The following RYR2 variants were observed in gnomAD, a reference collection of about 807,000 sequenced individuals.
RYR2 encodes ryanodine receptor 2.
RYR2 carries 227 observed loss-of-function variants against 601.1 expected under a neutral mutation model. That is an observed-to-expected ratio of 0.38 (90% CI 0.34 to 0.42). The LOEUF is 0.42. Among genes scored for constraint, RYR2 ranks in the 10% least tolerant of loss-of-function variants. The probability of loss-of-function intolerance (pLI) is 1.00; values close to 1 mark genes in which losing one functional copy is unlikely to be tolerated. For synonymous variants in RYR2, 2,223 were observed against 2,175.1 expected (o/e 1.02, Z -0.61); for missense variants, 4,646 against 6,156.5 (o/e 0.75, Z 8.21).
chr1:237,115,789 A>C (rs931999624), intron 1 of RYR2, among the ~76,000 whole-genome samples: 3 of 152,064 alleles, frequency 2.0e-5, no homozygotes, highest in Non-Finnish European at 4.4e-5. Flanking sequence ...CACTTAATGA[A>C]GTTTGAAACT....
At chr1:237,072,638 T>G (rs1664506115) in intron 1 of RYR2, among the ~76,000 whole-genome samples, 1 of 152,096 alleles carries the variant, frequency 6.6e-6, no homozygotes, top group African/African-American at 2.4e-5. Flanking sequence ...AAAAAATCTT[T>G]TAGTGTTTGC....
At chr1:237,577,254 C>T (rs1331670605) in intron 29 of RYR2, among the ~76,000 whole-genome samples, 1 of 152,156 alleles carries the variant, frequency 6.6e-6, no homozygotes, top group African/African-American at 2.4e-5. Flanking sequence ...TAAATGACAA[C>T]ATGGATATTT....
At chr1:237,812,064 A>G (rs1661313053) in intron 100 of RYR2, among the ~76,000 whole-genome samples, 1 of 152,116 alleles carries the variant, frequency 6.6e-6, no homozygotes, top group Non-Finnish European at 1.5e-5. Context: ...GAGCTTTACA[A>G]ATATTAACTC....
intron 61 of RYR2, 124 bp downstream of exon 61, chr1:237,678,236 T>C: frequency 1.6e-6 from 1 of 606,260 alleles, no homozygotes; most frequent in Non-Finnish European, 3.0e-6. Flanking sequence ...ACGTAAATAT[T>C]CTGTGGCATG....
chr1:237,808,851 T>C (rs1660949294), intron 99 of RYR2, 50 bp from the exon 100 acceptor site: 1 of 1,598,762 alleles, frequency 6.3e-7, no homozygotes, highest in Non-Finnish European at 8.6e-7. Flanking sequence ...CACGTGTCAA[T>C]TGTATGTCCT....
intron 2 of RYR2, among the ~76,000 whole-genome samples, chr1:237,311,872 G>C (rs531128188): frequency 1.6e-4 from 25 of 152,318 alleles, no homozygotes; most frequent in Admixed American, 7.2e-4. Context: ...TCTTATCATA[G>C]AAGTGGCTGA....
intron 4 of RYR2, 142 bp downstream of exon 4, chr1:237,356,127 T>A: frequency 1.4e-6 from 1 of 717,620 alleles, no homozygotes; most frequent in Non-Finnish European, 2.4e-6. Flanking sequence ...GAACACATGT[T>A]TTACAGGTCT....
At chr1:237,098,970 G>A (rs1184389029) in intron 1 of RYR2, among the ~76,000 whole-genome samples, 6 of 152,236 alleles carry the variant, frequency 3.9e-5, no homozygotes, top group Non-Finnish European at 8.8e-5. Context: ...AATCGCATAT[G>A]ATGTGCACAA....
intron 1 of RYR2, among the ~76,000 whole-genome samples, chr1:237,145,221 A>AC (rs1444674134): frequency 6.1e-4 from 92 of 151,978 alleles, no homozygotes; most frequent in African/African-American, 1.6e-3. Flanking sequence ...AAGTATAATA[A>AC]TAAAAAAAAA....
chr1:237,283,576 T>C (rs776050176), intron 2 of RYR2, among the ~76,000 whole-genome samples: 10 of 152,202 alleles, frequency 6.6e-5, no homozygotes, highest in Non-Finnish European at 1.3e-4. Flanking sequence ...GCTAATAATA[T>C]TGATGTATCC....
chr1:237,557,600 C>A (rs1671037251), intron 27 of RYR2, among the ~76,000 whole-genome samples: 1 of 150,560 alleles, frequency 6.6e-6, no homozygotes, highest in African/African-American at 2.4e-5. Flanking sequence ...ATTCTAGTGG[C>A]TCTTTAGGAA....
intron 1 of RYR2, among the ~76,000 whole-genome samples, chr1:237,188,491 A>G (rs1572142842): frequency 6.6e-6 from 1 of 152,342 alleles, no homozygotes; most frequent in East Asian, 1.9e-4. Context: ...GGATGATTAA[A>G]TGAGATAATA....
chr1:237,435,989 G>C (rs1359553096), intron 12 of RYR2, among the ~76,000 whole-genome samples: 1 of 152,180 alleles, frequency 6.6e-6, no homozygotes, highest in Non-Finnish European at 1.5e-5. Flanking sequence ...GGCTGATGCT[G>C]TTGGCCACAG....
Position 237,639,043 on chromosome 1 carries a change from C to T in RYR2, c.6957C>T (p.Val2319=), listed in dbSNP as rs768367111. The change falls in exon 46 of 105, where the codon GTC becomes GTT. Residue 2319 remains valine (V), a synonymous_variant. Coordinates refer to ENST00000366574, the MANE Select transcript of RYR2 (RefSeq NM_001035.3). Reference sequence around the variant, plus strand: ...AGAGTGTGGAGGAAAATGCAAATGTCGTGGTGAGATTGCTCATTCGGAGGC... The same window carrying T: ...AGAGTGTGGAGGAAAATGCAAATGTTGTGGTGAGATTGCTCATTCGGAGGC... ...NGESVEENAN[V]VVRLLIRRPE... 1.1e-5 allele frequency: 17 copies of T among 1,613,712 alleles called. No individual in the cohort carries two copies. The highest frequency in any genetic ancestry group is 2.2e-5 in the East Asian group (1 of 44,880).
chr1:237,100,227 G>A (rs1295593151), intron 1 of RYR2, among the ~76,000 whole-genome samples: 2 of 152,042 alleles, frequency 1.3e-5, no homozygotes, highest in Admixed American at 6.6e-5. Context: ...AGGTGAAAGA[G>A]CATGCATTTC....
At chr1:237,052,365 G>A (rs1049947361) in intron 1 of RYR2, among the ~76,000 whole-genome samples, 1 of 152,150 alleles carries the variant, frequency 6.6e-6, no homozygotes, top group Non-Finnish European at 1.5e-5. Context: ...GGAGTAAATG[G>A]CCAATGGTGA....
Position 237,478,763 on chromosome 1 carries a change from G to T in RYR2, c.1708+9576G>T, listed in dbSNP as rs79934826. On this transcript the variant is annotated intron_variant, in intron 17 of 104. Coordinates refer to ENST00000366574, the MANE Select transcript of RYR2 (RefSeq NM_001035.3). ...TTGTCTTTCCAAGGCCAGACAGCAT[G>T]TAAGCCACCGAGGCAGGCCTTAAGG... Among the ~76,000 whole-genome samples the T allele has an allele frequency of 4.5e-3, 668 of 149,848 alleles. 4 individuals carry two copies. The highest frequency in any genetic ancestry group is 0.015 in the African/African-American group (621 of 40,072).
intron 1 of RYR2, among the ~76,000 whole-genome samples, chr1:237,252,950 A>G (rs1184705866): frequency 6.6e-6 from 1 of 152,094 alleles, no homozygotes; most frequent in Non-Finnish European, 1.5e-5. Context: ...GGATCCTTTG[A>G]GGTCAGGAGT....
chr1:237,341,662 C>T, intron 3 of RYR2: 1 of 516,252 alleles, frequency 1.9e-6, no homozygotes, highest in Non-Finnish European at 3.9e-6. Flanking sequence ...GAAATATTTG[C>T]TGACTGGAGG....
Sources: gnomAD v4.1 joint callset for allele counts (sites outside exome capture counted in the v4.1 genomes callset) on GRCh38, gnomAD v4.1.1 for gene constraint, MANE v1.5 for transcripts, NCBI Gene and HGNC (gene_info 2026-07-23, HGNC 2026-07-21) for gene names.